DHX15: variants seen among roughly 807,000 people sequenced by gnomAD.
DHX15 encodes DEAH-box helicase 15.
Under a neutral mutation model 94.4 loss-of-function variants are expected in DHX15, and 11 were observed. That is an observed-to-expected ratio of 0.12 (90% CI 0.07 to 0.19). DHX15 has a LOEUF of 0.19. Ranked by LOEUF, DHX15 falls within the 10% of genes least tolerant of loss-of-function variation. The probability of loss-of-function intolerance (pLI) is 1.00; values close to 1 mark genes in which losing one functional copy is unlikely to be tolerated. For synonymous variants in DHX15, 338 were observed against 329.9 expected, an observed-to-expected ratio of 1.02 and a Z score of -0.27; for missense variants, 304 against 988.5, an observed-to-expected ratio of 0.31 and a Z score of 9.29.
intron 2 of DHX15, among the ~76,000 whole-genome samples, chr4:24,571,642 T>C (rs1486797923): frequency 6.6e-6 from 1 of 152,192 alleles, no homozygotes; most frequent in Non-Finnish European, 1.5e-5. Context: ...TATATGGAAA[T>C]CCACTGCTAG....
chr4:24,556,554 A>G, intron 3 of DHX15, 144 bp from the exon 4 acceptor site: 1 of 635,200 alleles, frequency 1.6e-6, no homozygotes, highest in Non-Finnish European at 2.6e-6. Context: ...TTCATGATCA[A>G]TTGCAAAATT....
chr4:24,541,846 T>A, intron 8 of DHX15, 27 bp downstream of exon 8: 1 of 1,526,476 alleles, frequency 6.6e-7, no homozygotes, highest in Non-Finnish European at 8.9e-7. Flanking sequence ...TTTAAACATA[T>A]CGGCAGGAAA....
Position 24,542,038 on chromosome 4 carries a change from T to C in DHX15, c.1336-16A>G. 1 of 1,580,276 alleles carries C rather than the reference T, an allele frequency of 6.3e-7. No homozygotes were observed. ...GATTGTAGACCTATTGGAATTGAAA[T>C]AACACAAGAGTCTTTCTTCAGTCAA... On this transcript the variant is annotated splice_polypyrimidine_tract_variant and intron_variant, in intron 7 of 13. Transcript: ENST00000336812.
At chr4:24,532,816 C>T (rs1721113481) in intron 12 of DHX15, 48 bp downstream of exon 12, 1 of 1,373,778 alleles carries the variant, frequency 7.3e-7, no homozygotes, top group Non-Finnish European at 9.9e-7. Flanking sequence ...TAATAGAAAT[C>T]AGTGTCATAT....
At chr4:24,562,000 G>A (rs909572503) in intron 3 of DHX15, among the ~76,000 whole-genome samples, 23 of 151,824 alleles carry the variant, frequency 1.5e-4, no homozygotes, top group African/African-American at 4.1e-4. Context: ...GCGTGGTGGC[G>A]TGCACCTGTA....
intron 11 of DHX15, among the ~76,000 whole-genome samples, 162 bp downstream of exon 11, chr4:24,536,889 T>C (rs1244735050): frequency 6.6e-6 from 1 of 152,256 alleles, no homozygotes; most frequent in Non-Finnish European, 1.5e-5. Flanking sequence ...TGAAAAAGAT[T>C]GGCAATTTCT....
chr4:24,544,843 T>G (rs906795993), intron 6 of DHX15, among the ~76,000 whole-genome samples: 5 of 152,190 alleles, frequency 3.3e-5, no homozygotes, highest in African/African-American at 1.2e-4. Flanking sequence ...CCAGGCATGG[T>G]GGCTCACATC....
intron 6 of DHX15, among the ~76,000 whole-genome samples, chr4:24,545,210 A>C (rs1286764137): frequency 6.6e-6 from 1 of 152,210 alleles, no homozygotes; most frequent in East Asian, 1.9e-4. Flanking sequence ...AATATTTATG[A>C]AGAAAATCAC....
Position 24,584,509 on chromosome 4 carries a change from A to C in DHX15, c.-116T>G, listed in dbSNP as rs576959414. ...CCCACCCCTCCCGCTACTACAGCCC[A>C]CACGGTGCGGCCGGAACCAACAGCT... On this transcript the variant is annotated 5_prime_UTR_variant, in exon 1 of 14. Transcript: ENST00000336812. 9.6e-7 allele frequency: 1 copy of C among 1,040,562 alleles called. No homozygotes were observed. The highest frequency in any genetic ancestry group is 1.4e-6 in the Non-Finnish European group (1 of 729,512). The allele number at this position is 1,040,562 out of a possible 1,614,324, so 64.5% of individuals were successfully genotyped here.
intron 6 of DHX15, among the ~76,000 whole-genome samples, chr4:24,543,266 T>C (rs1721354273): frequency 6.6e-6 from 1 of 152,184 alleles, no homozygotes; most frequent in Non-Finnish European, 1.5e-5. Flanking sequence ...CTTCAGGTTA[T>C]CACTCAACCG....
intron 6 of DHX15, among the ~76,000 whole-genome samples, chr4:24,547,871 CTCTCTCTCTCTCTCTCTCTATG>C (rs1239087168): frequency 2.1e-4 from 2 of 9,390 alleles, no homozygotes; most frequent in Non-Finnish European, 3.8e-4. Context: ...GTCTCTCTCT[CTCTCTCTCTCTCTCTCTCTATG>C]TATGTATGTG....
In DHX15 at chr4:24,567,190, C is replaced by T. The variant is rs532255502; in HGVS notation, c.701+3464G>A. ...ACCAAATTAACAACTTCAATTATTA[C>T]GTTTTTCTACGCTTACAAGATTATC... On this transcript the variant is annotated intron_variant, in intron 3 of 13. Transcript: ENST00000336812. Among the ~76,000 whole-genome samples, 29 of 152,300 alleles carry T rather than the reference C, an allele frequency of 1.9e-4. No individual in the cohort carries two copies. The East Asian group carries it at 4.6e-3, about 24-fold the overall frequency.
chr4:24,579,123 G>A (rs1209607595), intron 1 of DHX15, among the ~76,000 whole-genome samples: 1 of 152,184 alleles, frequency 6.6e-6, no homozygotes, highest in Non-Finnish European at 1.5e-5. Context: ...GGCGACAGCT[G>A]TGGTATTAAG....
At chr4:24,544,439 A>G (rs1224222114) in intron 6 of DHX15, among the ~76,000 whole-genome samples, 1 of 152,230 alleles carries the variant, frequency 6.6e-6, no homozygotes, top group Non-Finnish European at 1.5e-5. Flanking sequence ...TTGTCAGTTG[A>G]AAAGACTGAC....
At chr4:24,584,201 A>T (rs533268309) in intron 1 of DHX15, 122 bp downstream of exon 1, 583 of 1,071,654 alleles carry the variant, frequency 5.4e-4, no homozygotes, top group Non-Finnish European at 7.5e-4. Context: ...TAGTGAACCC[A>T]GCCCAGAGAG....
At chr4:24,553,511 C>T (rs984250576) in intron 5 of DHX15, among the ~76,000 whole-genome samples, 5 of 151,970 alleles carry the variant, frequency 3.3e-5, no homozygotes, top group Non-Finnish European at 5.9e-5. Flanking sequence ...TGGTGGCTCG[C>T]GCCTATAATC....
intron 1 of DHX15, among the ~76,000 whole-genome samples, chr4:24,582,696 G>A (rs1722443628): frequency 6.6e-6 from 1 of 152,184 alleles, no homozygotes; most frequent in African/African-American, 2.4e-5. Context: ...CAGGGTTCCA[G>A]ATCCTGCTGT....
At chr4:24,542,511 T>G (rs1024286068) in intron 7 of DHX15, among the ~76,000 whole-genome samples, 1 of 152,234 alleles carries the variant, frequency 6.6e-6, no homozygotes, top group Non-Finnish European at 1.5e-5. Context: ...GCATTTCACT[T>G]CATTTAGTAT....
intron 3 of DHX15, among the ~76,000 whole-genome samples, chr4:24,567,219 T>C (rs888406163): frequency 6.6e-6 from 1 of 152,218 alleles, no homozygotes; most frequent in Admixed American, 6.5e-5. Context: ...GATTATCAAA[T>C]TGTTTTCTTC....
Sources: gnomAD v4.1 joint callset for allele counts (sites outside exome capture counted in the v4.1 genomes callset) on GRCh38, gnomAD v4.1.1 for gene constraint, MANE v1.5 for transcripts, NCBI Gene and HGNC (gene_info 2026-07-23, HGNC 2026-07-21) for gene names.